Variants in HYAL3 observed in about 807,000 individuals in gnomAD.
The protein encoded by HYAL3 is hyaluronidase-3.
In HYAL3, 25 loss-of-function variants were observed where a neutral mutation model predicts 29.6. The observed-to-expected ratio is 0.85, with a 90% CI of 0.62 to 1.18. The LOEUF (loss-of-function observed/expected upper bound fraction) is 1.18, where lower values mean the gene tolerates loss of function less well. Ranked by LOEUF, HYAL3 falls within the 50% of genes most tolerant of loss-of-function variation. HYAL3 has a pLI of 0.00. For synonymous variants in HYAL3, 215 were observed against 218.3 expected (o/e 0.99, Z 0.13); for missense variants, 442 against 548.4 (o/e 0.81, Z 1.94).
intron 1 of HYAL3, 51 bp from the exon 2 acceptor site, chr3:50,295,670 C>T (rs1243609610): frequency 2.1e-5 from 30 of 1,431,396 alleles, no homozygotes; most frequent in Non-Finnish European, 2.5e-5. Context: ...ATGGCCACAC[C>T]TTCCACATGG....
At chr3:50,293,795 C>G in intron 2 of HYAL3, 74 bp from the exon 3 acceptor site, 1 of 1,285,642 alleles carries the variant, frequency 7.8e-7, no homozygotes, top group South Asian at 1.2e-5. Flanking sequence ...ATTCAAGAAA[C>G]TCTTCTGGTT....
At chr3:50,296,506 A>G (rs1701844181) in intron 1 of HYAL3, 1 of 1,411,012 alleles carries the variant, frequency 7.1e-7, no homozygotes, top group African/African-American at 1.4e-5. Flanking sequence ...GCTGCCCCCC[A>G]GGGGCTAGGG....
rs1701918560 is a variant in HYAL3 at position 50,297,907 on chromosome 3, T to A, written c.-18+1306A>T. On this transcript the variant is annotated intron_variant, in intron 1 of 3. Transcript: ENST00000336307. The surrounding 1 kb of genome is among the most constrained non-coding windows in gnomAD (Gnocchi z 4.3). ...TTGGAGGGAGGCTGGGAGTGATGGA[T>A]GAGCTGCTTAAGGCTGGGGCAGAAC... 1.0e-6 allele frequency: 1 copy of A among 998,976 alleles called. No homozygotes were observed. Among genetic ancestry groups the A allele is most frequent in the Admixed American group, 6.0e-5 (1 of 16,606 alleles). 61.9% of individuals were successfully genotyped at this position (998,976 alleles called of 1,614,324 possible).
Position 50,297,177 on chromosome 3 carries a change from T to A in HYAL3, c.-17-1558A>T. Reference sequence around the variant, plus strand: ...GCAGAGGGGGAAGGCATCTGAGGACTGGCCCAGGGAGTGCAGGCGGGAGGT... The same window carrying A: ...GCAGAGGGGGAAGGCATCTGAGGACAGGCCCAGGGAGTGCAGGCGGGAGGT... On this transcript the variant is annotated intron_variant, in intron 1 of 3. Transcript: ENST00000336307. This position sits in a 1 kb window ranked among gnomAD's most constrained non-coding sequence, Gnocchi z 4.3. The A allele has an allele frequency of 6.2e-7, 1 of 1,608,928 alleles. No individual in the cohort carries two copies. Among genetic ancestry groups the A allele is most frequent in the Non-Finnish European group, 8.5e-7 (1 of 1,176,908 alleles).
intron 1 of HYAL3, chr3:50,296,387 A>C (rs771193453): frequency 3.3e-6 from 2 of 598,380 alleles, no homozygotes; most frequent in African/African-American, 1.9e-5. Flanking sequence ...ATCAACAAAT[A>C]AACTGTCACA....
At chr3:50,298,887 C>T in intron 1 of HYAL3, 2 of 1,333,226 alleles carry the variant, frequency 1.5e-6, no homozygotes, top group Non-Finnish European at 1.9e-6. Flanking sequence ...AGGATCCGCC[C>T]CTAGGGCTGA....
Position 50,297,071 on chromosome 3 carries a change from G to C in HYAL3, c.-17-1452C>G. ...TCTCCACTAAGAGGCTCTGGGGCTGGTTCAGCACCCGTGACAGGCGGGCAT... is the reference window on the plus strand; with the variant it reads ...TCTCCACTAAGAGGCTCTGGGGCTGCTTCAGCACCCGTGACAGGCGGGCAT... On this transcript the variant is annotated intron_variant, in intron 1 of 3. Coordinates refer to ENST00000336307, the MANE Select transcript of HYAL3 (RefSeq NM_003549.4). This position sits in a 1 kb window ranked among gnomAD's most constrained non-coding sequence, Gnocchi z 4.3. 1.3e-6 allele frequency: 2 copies of C among 1,538,146 alleles called. No individual in the cohort carries two copies. The highest frequency in any genetic ancestry group is 8.7e-7 in the Non-Finnish European group (1 of 1,143,152).
In HYAL3 at chr3:50,294,850, C is replaced by A. The variant is rs1701777196; in HGVS notation, c.753G>T (p.Leu251=). The A allele has an allele frequency of 6.5e-7, 1 of 1,538,648 alleles. No homozygotes were observed. Among genetic ancestry groups the A allele is most frequent in the South Asian group, 1.2e-5 (1 of 80,882 alleles). ...LFPSIYLPPR[L]PPAHHQAFVR... Reference sequence around the variant, plus strand: ...CAAAGGCCTGGTGGTGGGCAGGTGGCAGCCTGGGTGGGAGGTAGATGCTGG... The same window carrying A: ...CAAAGGCCTGGTGGTGGGCAGGTGGAAGCCTGGGTGGGAGGTAGATGCTGG... Residue 251 remains leucine (L), a synonymous_variant, in exon 2 of 4, where the codon CTG becomes CTT. Transcript: ENST00000336307.
chr3:50,299,138 G>C (rs1348802068), intron 1 of HYAL3, 75 bp downstream of exon 1: 1 of 1,613,444 alleles, frequency 6.2e-7, no homozygotes, highest in Non-Finnish European at 8.5e-7. Flanking sequence ...GGGCGTGCAG[G>C]GTGGCATGGC....
intron 1 of HYAL3, 119 bp from the exon 2 acceptor site, chr3:50,295,738 G>A: frequency 1.2e-6 from 1 of 861,584 alleles, no homozygotes; most frequent in Non-Finnish European, 1.7e-6. Flanking sequence ...AGGAGCTGGG[G>A]AAAGCATGTT....
rs142423146 is a variant in HYAL3 at position 50,293,300 on chromosome 3, G to T, written c.1200C>A (p.Gly400=). 6.2e-7 allele frequency: 1 copy of T among 1,613,368 alleles called. No homozygotes were observed. Among genetic ancestry groups the T allele is most frequent in the Non-Finnish European group, 8.5e-7 (1 of 1,180,010 alleles). The change falls in exon 4 of 4, where the codon GGC becomes GGA. Residue 400 remains glycine (G), a synonymous_variant. Transcript: ENST00000336307. ...GCTCCTGGCAGGTGGGGCCAGCCCA[G>T]CCCCAGTAACAGTGGCAGCTGAAGG... ...WKSFSCHCYW[G]WAGPTCQEPR...
chr3:50,295,712 TC>T, intron 1 of HYAL3, 93 bp from the exon 2 acceptor site: 1 of 1,108,762 alleles, frequency 9.0e-7, no homozygotes, highest in Non-Finnish European at 1.3e-6. Context: ...CCCCAGCTCC[TC>T]CCCATCCTTA....
Position 50,299,355 on chromosome 3 carries a change from G to C in HYAL3, c.-160C>G, listed in dbSNP as rs935729356. 5 of 1,546,396 alleles carry C rather than the reference G, an allele frequency of 3.2e-6. No homozygotes were observed. The highest frequency in any genetic ancestry group is 1.4e-5 in the African/African-American group (1 of 73,432). On this transcript the variant is annotated 5_prime_UTR_variant, in exon 1 of 4. Transcript: ENST00000336307. ...ATGTTCTGCAGCCGTCGCGTCCTGC[G>C]GCACGCCACGGCGTTCTAAGGCCTC...
In HYAL3 at chr3:50,296,956, G is replaced by A. The variant is rs782614401; in HGVS notation, c.-17-1337C>T. ...TCATGGGTGGTGAGATGCAGCTTGC[G>A]GAAGCCCCGGGCCCGAGCAAAGACC... is the stretch of plus-strand genomic sequence containing the variant. On this transcript the variant is annotated intron_variant, in intron 1 of 3. Coordinates refer to ENST00000336307, the MANE Select transcript of HYAL3 (RefSeq NM_003549.4). The A allele has an allele frequency of 8.7e-6, 14 of 1,601,608 alleles. 1 individual carries two copies. Among genetic ancestry groups the A allele is most frequent in the Admixed American group, 3.5e-5 (2 of 57,680 alleles).
chr3:50,295,793 C>G (rs1220208784), intron 1 of HYAL3, 174 bp from the exon 2 acceptor site: 4 of 418,434 alleles, frequency 9.6e-6, no homozygotes, highest in South Asian at 4.7e-5. Flanking sequence ...ACACCGCAAG[C>G]TGGCTATGAT....
At position 50,297,749 on chromosome 3, in the gene HYAL3, G is replaced by C. The variant is rs1701912819; in HGVS notation, c.-18+1464C>G. On this transcript the variant is annotated intron_variant, in intron 1 of 3. Coordinates refer to ENST00000336307, the MANE Select transcript of HYAL3 (RefSeq NM_003549.4). The surrounding 1 kb of genome is among the most constrained non-coding windows in gnomAD (Gnocchi z 4.3). Reference sequence around the variant, plus strand: ...GCAGGGAAGGGCTGACAGAGTGCAGGGGGGACCATGCATACTGGAACTGGG... The same window carrying C: ...GCAGGGAAGGGCTGACAGAGTGCAGCGGGGACCATGCATACTGGAACTGGG... 3.0e-6 allele frequency: 4 copies of C among 1,315,426 alleles called. No individual in the cohort carries two copies. Among genetic ancestry groups the C allele is most frequent in the Admixed American group, 3.8e-5 (1 of 26,430 alleles). 81.5% of individuals were successfully genotyped at this position (1,315,426 alleles called of 1,614,324 possible). A position where few individuals can be genotyped will look rare whatever the true frequency, so the allele number is the denominator to read the frequency against.
Position 50,298,794 on chromosome 3 carries a change from C to T in HYAL3, c.-18+419G>A, listed in dbSNP as rs587643153. 3.5e-5 allele frequency: 39 copies of T among 1,104,426 alleles called. No individual in the cohort carries two copies. In the East Asian group the frequency reaches 1.5e-3, roughly 42 times the overall value. 68.4% of individuals were successfully genotyped at this position (1,104,426 alleles called of 1,614,324 possible). ...CACCCCCCTCCCCTCACCTCCCACA[C>T]CATTCACAGGGCTGTAAGCCCCTCA... On this transcript the variant is annotated intron_variant, in intron 1 of 3. Transcript: ENST00000336307.
In HYAL3 at chr3:50,295,302, G is replaced by A. The variant is rs372891005; in HGVS notation, c.301C>T (p.Leu101Phe). The change falls in exon 2 of 4, where the codon CTT becomes TTT. Residue 101 changes from leucine (L) to phenylalanine (F), a missense_variant. Coordinates refer to ENST00000336307, the MANE Select transcript of HYAL3 (RefSeq NM_003549.4). ...HNGGIPQALP[L>F]DRHLALAAYQ... ...GCAGCCAGTGCCAGGTGGCGGTCAA[G>A]GGGCAAAGCCTGGGGGATGCCCCCA... The A allele has an allele frequency of 1.2e-6, 2 of 1,614,002 alleles. No homozygotes were observed. Among genetic ancestry groups the A allele is most frequent in the African/African-American group, 2.7e-5 (2 of 74,956 alleles).
chr3:50,296,546 G>A (rs370500153), intron 1 of HYAL3: 12 of 1,568,766 alleles, frequency 7.6e-6, no homozygotes, highest in Non-Finnish European at 1.0e-5. Flanking sequence ...GCTGAGGCTT[G>A]TAGACTGTCG....
Sources: gnomAD v4.1 joint callset for allele counts on GRCh38, gnomAD v4.1.1 for gene constraint, Gnocchi (gnomAD v3.1) non-coding constraint, MANE v1.5 for transcripts, NCBI Gene and HGNC (gene_info 2026-07-23, HGNC 2026-07-21) for gene names.